ITGA7: variants seen among roughly 807,000 people sequenced by gnomAD.
ITGA7 encodes the protein integrin subunit alpha 7.
Under a neutral mutation model 131.6 loss-of-function variants are expected in ITGA7, and 84 were observed. The ratio of observed to expected loss-of-function variants is 0.64; its 90% CI spans 0.54 to 0.77. The LOEUF is 0.77. Ranked by LOEUF, ITGA7 falls within the 30% of genes least tolerant of loss-of-function variation. The pLI is 0.00. For missense variants in ITGA7, 1,399 were observed against 1,482.9 expected (o/e 0.94, Z 0.93); for synonymous variants, 548 against 600.7 (o/e 0.91, Z 1.28).
intron 3 of ITGA7, among the ~76,000 whole-genome samples, chr12:55,702,497 G>T (rs927445848): frequency 3.3e-5 from 5 of 151,730 alleles, no homozygotes; most frequent in Non-Finnish European, 7.4e-5. Flanking sequence ...GTATTTTTAG[G>T]AGAGACAGGG....
chr12:55,687,722 T>C lies in ITGA7; in HGVS notation c.3183+249A>G, dbSNP rs1592400160. Among the ~76,000 whole-genome samples the C allele has an allele frequency of 2.6e-5, 4 of 152,154 alleles. No individual in the cohort carries two copies. In the South Asian group the frequency reaches 6.2e-4, roughly 24 times the overall value. ...CCAGGCTGGTCTCGAACTCCTGACCTCAAGTGATCCACCTGCCTAGGCCTC... is the reference window on the plus strand; with the variant it reads ...CCAGGCTGGTCTCGAACTCCTGACCCCAAGTGATCCACCTGCCTAGGCCTC... On this transcript the variant is annotated intron_variant, in intron 24 of 24. Coordinates refer to ENST00000257879, the MANE Select transcript of ITGA7 (RefSeq NM_002206.3).
rs772161897 is a variant in ITGA7, at chr12:55,698,888, C to T, written c.820G>A (p.Val274Met). 6.2e-6 allele frequency: 10 copies of T among 1,613,430 alleles called. No individual in the cohort carries two copies. Among genetic ancestry groups the T allele is most frequent in the East Asian group, 2.2e-5 (1 of 44,882 alleles). ...ACAAAGCTCAGCTCTTCTGCACGCA[C>T]CAGACCTTTCCCCGAGTCAATAGAG... ...GFSIDSGKGL[V>M]RAEELSFVAG... The change falls in exon 6 of 25, where the codon GTG becomes ATG. Residue 274 changes from valine to methionine, a missense_variant. By Grantham distance (21) the Val-to-Met change is conservative. Transcript: ENST00000257879.
upstream of ITGA7, chr12:55,707,955 C>T: frequency 7.5e-7 from 1 of 1,328,858 alleles, no homozygotes; most frequent in Non-Finnish European, 9.6e-7. Flanking sequence ...CCGCCTCCGG[C>T]CCCGCCCCTC....
chr12:55,697,200 G>T lies in ITGA7; in HGVS notation c.1567+16C>A, dbSNP rs199504152. ...AAACCCAAAAGGGCGAGCCACAGAG[G>T]GGGGACCGCACTCACCCACAGTAGG... is the stretch of plus-strand genomic sequence containing the variant. On this transcript the variant is annotated intron_variant, in intron 11 of 24. Transcript: ENST00000257879. 247 of 1,591,782 alleles carry T rather than the reference G, an allele frequency of 1.6e-4. 3 individuals are homozygous for T. The highest frequency in any genetic ancestry group is 3.5e-4 in the South Asian group (31 of 88,080).
Position 55,707,551 on chromosome 12 carries a change from C to T in ITGA7, c.132G>A (p.Lys44=), listed in dbSNP as rs759189174. 7.4e-6 allele frequency: 12 copies of T among 1,613,950 alleles called. No homozygotes were observed. In the African/African-American group the frequency reaches 1.6e-4, roughly 22 times the overall value. Residue 44 remains lysine (K), a synonymous_variant, in exon 1 of 25, where the codon AAG becomes AAA. Transcript: ENST00000257879. ...FNLDVMGALR[K]EGEPGSLFGF... ...CGAAGAGGCTGCCTGGCTCGCCCTCCTTGCGCAAGGCACCCATCACGTCCA... is the reference window on the plus strand; with the variant it reads ...CGAAGAGGCTGCCTGGCTCGCCCTCTTTGCGCAAGGCACCCATCACGTCCA...
chr12:55,714,771 T>C (rs1443717052), upstream of ITGA7, among the ~76,000 whole-genome samples: 1 of 150,956 alleles, frequency 6.6e-6, no homozygotes, highest in East Asian at 1.9e-4. Context: ...TATACACATA[T>C]ATACGTATAC....
rs1171079257 is a variant in ITGA7 at position 55,685,141 on chromosome 12, C to T, written c.3331G>A (p.Gly1111Ser). 6.2e-7 allele frequency: 1 copy of T among 1,613,636 alleles called. No individual in the cohort carries two copies. The highest frequency in any genetic ancestry group is 8.5e-7 in the Non-Finnish European group (1 of 1,179,992). ...RNNWGSPRRE[G>S]PDAHPILAAD... ...GCCAGGATGGGGTGTGCATCCGGGC[C>T]CTCCCGCCGGGGGCTGCCCCAGTTG... is the stretch of plus-strand genomic sequence containing the variant. Residue 1111 changes from glycine to serine, a missense_variant, in exon 25 of 25, where the codon GGC (glycine) becomes AGC (serine). Physicochemically the swap from Gly to Ser is moderately conservative, Grantham distance 56. Transcript: ENST00000257879.
upstream of ITGA7, among the ~76,000 whole-genome samples, chr12:55,715,007 T>G (rs1197556178): frequency 6.6e-6 from 1 of 151,790 alleles, no homozygotes; most frequent in African/African-American, 2.4e-5. Context: ...ATTACAGGCT[T>G]GTGCCACTAC....
At position 55,707,851 on chromosome 12, in the gene ITGA7, C is replaced by T; in HGVS notation, c.-169G>A. ...CCGCCCGCCCGCCGCTCCGCCACCCCGCCGCCCCAGCACCGGCTAGGACAA... is the reference window on the plus strand; with the variant it reads ...CCGCCCGCCCGCCGCTCCGCCACCCTGCCGCCCCAGCACCGGCTAGGACAA... On this transcript the variant is annotated 5_prime_UTR_variant, in exon 1 of 25. Coordinates refer to ENST00000257879, the MANE Select transcript of ITGA7 (RefSeq NM_002206.3). 1 of 1,468,356 alleles carries T rather than the reference C, an allele frequency of 6.8e-7. No individual in the cohort carries two copies. The highest frequency in any genetic ancestry group is 9.0e-7 in the Non-Finnish European group (1 of 1,111,348). The allele number at this position is 1,468,356 out of a possible 1,614,324, so 91.0% of individuals were successfully genotyped here. A position where few individuals can be genotyped will look rare whatever the true frequency, so the allele number is the denominator to read the frequency against.
chr12:55,708,163 C>A (rs3915761), upstream of ITGA7: 178,210 of 385,492 alleles, frequency 0.46, 43,905 homozygotes, highest in East Asian at 0.94. Flanking sequence ...GGAGGCGGCG[C>A]CTTGGAATGC....
upstream of ITGA7, among the ~76,000 whole-genome samples, chr12:55,715,102 G>T (rs1185894821): frequency 6.6e-6 from 1 of 151,982 alleles, no homozygotes; most frequent in Non-Finnish European, 1.5e-5. Context: ...CTCGTGATCC[G>T]CCCGCCTCGG....
At chr12:55,697,334 C>A in intron 10 of ITGA7, 57 bp from the exon 11 acceptor site, 1 of 1,573,178 alleles carries the variant, frequency 6.4e-7, no homozygotes, top group Non-Finnish European at 8.7e-7. Flanking sequence ...AAGGCCCCTA[C>A]CCCCACCCCA....
At chr12:55,702,983 G>A (rs774215522) in intron 2 of ITGA7, 32 bp from the exon 3 acceptor site, 1 of 1,613,218 alleles carries the variant, frequency 6.2e-7, no homozygotes, top group African/African-American at 1.3e-5. Context: ...TTAGGGGAGG[G>A]AAGAGGAGCC....
Position 55,689,199 on chromosome 12 carries a change from T to C in ITGA7, c.2845-242A>G, listed in dbSNP as rs184592145. ...GCACAGGCAGAGTAGCTTCCCCAAG[T>C]GATGCTTATGTTACCTAATGACAGT... On this transcript the variant is annotated intron_variant, in intron 21 of 24. Coordinates refer to ENST00000257879, the MANE Select transcript of ITGA7 (RefSeq NM_002206.3). 8.5e-5 allele frequency among the ~76,000 whole-genome samples: 13 copies of C among 152,346 alleles called. No homozygotes were observed. The East Asian group carries it at 2.1e-3, about 25-fold the overall frequency.
Position 55,696,962 on chromosome 12 carries a change from C to A in ITGA7, c.1674G>T (p.Ser558=). ...GCTGGTGCTTCAGCCACACGGTGCC[C>A]GAGGCCTGGTGCTTGGGTTCTTCCA... is the stretch of plus-strand genomic sequence containing the variant. ...RNLEEPKHQA[S]GTVWLKHQHD... The change falls in exon 12 of 25, where the codon TCG becomes TCT. Residue 558 remains serine (S), a synonymous_variant. Coordinates refer to ENST00000257879, the MANE Select transcript of ITGA7 (RefSeq NM_002206.3). 6.2e-7 allele frequency: 1 copy of A among 1,614,140 alleles called. No individual in the cohort carries two copies. The highest frequency in any genetic ancestry group is 8.5e-7 in the Non-Finnish European group (1 of 1,180,042).
chr12:55,686,319 G>C (rs1870131822), intron 24 of ITGA7: 1 of 1,323,470 alleles, frequency 7.6e-7, no homozygotes, highest in Non-Finnish European at 9.9e-7. Context: ...GCCACACTAG[G>C]ATGTCGAGGG....
chr12:55,695,536 G>A lies in ITGA7; in HGVS notation c.1989C>T (p.Phe663=), dbSNP rs756586652. ...GCCCCCCTCACATGGGCAGAGGTTG[G>A]AATTCCGTGTCGCTGACCCGGGTAC... The part of the protein sequence containing the change: ...RFCTRVSDTE[F]QPLPMDVDGT... Residue 663 remains phenylalanine, a synonymous_variant, in exon 14 of 25, where the codon TTC becomes TTT. Transcript: ENST00000257879. 6.2e-7 allele frequency: 1 copy of A among 1,612,708 alleles called. No individual in the cohort carries two copies. The highest frequency in any genetic ancestry group is 8.5e-7 in the Non-Finnish European group (1 of 1,178,916).
In ITGA7 at chr12:55,696,302, G is replaced by C; in HGVS notation, c.1868C>G (p.Pro623Arg). 1 of 1,578,630 alleles carries C rather than the reference G, an allele frequency of 6.3e-7. No individual in the cohort carries two copies. Among genetic ancestry groups the C allele is most frequent in the African/African-American group, 1.3e-5 (1 of 74,468 alleles). Reference sequence around the variant, plus strand: ...GCTCACCTCTGCCCGCTGGGTGCTGGGCTGGTGGGCATTGAGGATGGGGGC... The same window carrying C: ...GCTCACCTCTGCCCGCTGGGTGCTGCGCTGGTGGGCATTGAGGATGGGGGC... Reference protein sequence around the residue: ...PVAPILNAHQPSTQRAEIHFL... With the variant: ...PVAPILNAHQRSTQRAEIHFL... Residue 623 changes from proline to arginine, a missense_variant, in exon 13 of 25, where the codon CCC (proline) becomes CGC (arginine). Transcript: ENST00000257879.
chr12:55,707,824 T>TGCC lies in ITGA7; in HGVS notation c.-143_-142insGGC. 1 of 654,504 alleles carries TGCC rather than the reference T, an allele frequency of 1.5e-6. No homozygotes were observed. The highest frequency in any genetic ancestry group is 2.3e-6 in the Non-Finnish European group (1 of 428,072). 40.5% of individuals were successfully genotyped at this position (654,504 alleles called of 1,614,324 possible). On this transcript the variant is annotated 5_prime_UTR_variant, in exon 1 of 25. Coordinates refer to ENST00000257879, the MANE Select transcript of ITGA7 (RefSeq NM_002206.3). ...TCCCAGACGTTCGCCCCGCCAGCCC[T>TGCC]CCCGCCCGCCCGCCGCTCCGCCACC...
Sources: allele counts gnomAD v4.1 joint callset (sites outside exome capture counted in the v4.1 genomes callset), GRCh38; gene constraint gnomAD v4.1.1; transcripts MANE v1.5; gene names NCBI Gene and HGNC (gene_info 2026-07-23, HGNC 2026-07-21).